GRIK2: variants seen among roughly 807,000 people sequenced by gnomAD.
The protein encoded by GRIK2 is glutamate receptor ionotropic, kainate 2.
In GRIK2, 32 loss-of-function variants were observed where a neutral mutation model predicts 100.3. The ratio of observed to expected loss-of-function variants is 0.32; its 90% CI spans 0.24 to 0.43. The LOEUF is 0.43. Ranked by LOEUF, GRIK2 falls within the 20% of genes least tolerant of loss-of-function variation. The pLI is 1.00. For synonymous variants in GRIK2, 417 were observed against 389.4 expected, an observed-to-expected ratio of 1.07 and a Z score of -0.83; for missense variants, 843 against 1,114.9, an observed-to-expected ratio of 0.76 and a Z score of 3.47.
intron 14 of GRIK2, among the ~76,000 whole-genome samples, chr6:101,954,694 TG>T (rs1791807697): frequency 6.6e-6 from 1 of 152,172 alleles, no homozygotes; most frequent in Non-Finnish European, 1.5e-5. Context: ...GATGCCTTTG[TG>T]TTTTTTTTCT....
At chr6:102,033,141 A>C in intron 14 of GRIK2, among the ~76,000 whole-genome samples, 1 of 151,482 alleles carries the variant, frequency 6.6e-6, no homozygotes, top group East Asian at 2.0e-4. Context: ...AAAATTAAAA[A>C]TTTTAGTATT....
intron 15 of GRIK2, among the ~76,000 whole-genome samples, chr6:102,042,600 AG>A (rs1770649470): frequency 6.6e-6 from 1 of 151,612 alleles, no homozygotes; most frequent in South Asian, 2.1e-4. Context: ...TTCCAATTTT[AG>A]GGTTCTTAAT....
intron 7 of GRIK2, among the ~76,000 whole-genome samples, chr6:101,733,612 T>G (rs1775426101): frequency 6.6e-6 from 1 of 151,524 alleles, no homozygotes; most frequent in Non-Finnish European, 1.5e-5. Flanking sequence ...ACAAGCTTTC[T>G]CTCTCTCTCT....
At chr6:101,723,836 A>G (rs1224716303) in intron 7 of GRIK2, among the ~76,000 whole-genome samples, 4 of 152,044 alleles carry the variant, frequency 2.6e-5, no homozygotes, top group African/African-American at 9.7e-5. Context: ...ACTGATTGTC[A>G]TGTCTTATGG....
intron 14 of GRIK2, among the ~76,000 whole-genome samples, chr6:102,031,705 G>T (rs73500546): frequency 2.6e-5 from 4 of 151,300 alleles, no homozygotes; most frequent in African/African-American, 9.7e-5. Flanking sequence ...TTATATCTGA[G>T]AACGTGCAAT....
At chr6:101,398,247 A>T (rs1346379438) in intron 1 of GRIK2, among the ~76,000 whole-genome samples, 2 of 152,220 alleles carry the variant, frequency 1.3e-5, no homozygotes, top group Admixed American at 6.5e-5. Context: ...TGCTGCACCC[A>T]TTCAAACATC....
intron 4 of GRIK2, among the ~76,000 whole-genome samples, chr6:101,645,163 GA>G (rs559337869): frequency 0.021 from 2,732 of 127,824 alleles, 79 homozygotes; most frequent in African/African-American, 0.069. Context: ...AGAATAAGAA[GA>G]AAAAAAAAAA....
rs79582369 is a variant in GRIK2, at chr6:101,585,586, A to G, written c.116-36363A>G. Among the ~76,000 whole-genome samples the G allele has an allele frequency of 1.5e-3, 226 of 152,198 alleles. 1 individual carries two copies. Among genetic ancestry groups the G allele is most frequent in the African/African-American group, 5.3e-3 (221 of 41,562 alleles). On this transcript the variant is annotated intron_variant, in intron 2 of 16. Transcript: ENST00000369134. ...ACAGGGTATTCATAGAATTGTTTCC[A>G]CTTAAAGAACACATGCAATTGATGT...
At chr6:101,776,133 A>C (rs1045718638) in intron 7 of GRIK2, among the ~76,000 whole-genome samples, 18 of 152,200 alleles carry the variant, frequency 1.2e-4, no homozygotes, top group Admixed American at 1.2e-3. Context: ...TGAGGAGGCC[A>C]GGCTGAGATT....
intron 2 of GRIK2, among the ~76,000 whole-genome samples, chr6:101,511,964 T>C (rs1196035991): frequency 1.3e-5 from 2 of 151,872 alleles, no homozygotes; most frequent in South Asian, 2.1e-4. Context: ...GGAAACAGCA[T>C]CTAAAAAGTT....
chr6:101,600,791 A>C (rs1277542398), intron 2 of GRIK2, among the ~76,000 whole-genome samples: 2 of 151,830 alleles, frequency 1.3e-5, no homozygotes, highest in African/African-American at 4.8e-5. Context: ...ATTGTTTATC[A>C]GTTATAGGAG....
At chr6:101,768,537 A>G (rs1314141426) in intron 7 of GRIK2, among the ~76,000 whole-genome samples, 1 of 152,208 alleles carries the variant, frequency 6.6e-6, no homozygotes, top group East Asian at 1.9e-4. Context: ...GTAAATTTTT[A>G]TCATCAAGAG....
chr6:101,657,463 C>T (rs966648063), intron 4 of GRIK2, among the ~76,000 whole-genome samples: 16 of 152,218 alleles, frequency 1.1e-4, no homozygotes, highest in Admixed American at 2.0e-4. Context: ...ATCTTTATAG[C>T]AGTGTGAGAA....
At chr6:101,917,610 T>C (rs1179234537) in intron 12 of GRIK2, among the ~76,000 whole-genome samples, 1 of 151,528 alleles carries the variant, frequency 6.6e-6, no homozygotes, top group Non-Finnish European at 1.5e-5. Flanking sequence ...GTTTGGATGA[T>C]GTAACTTCTC....
At chr6:101,642,850 A>ACAGTGCACAAGAGTT (rs1781345285) in intron 4 of GRIK2, among the ~76,000 whole-genome samples, 2 of 151,734 alleles carry the variant, frequency 1.3e-5, no homozygotes, top group South Asian at 4.1e-4. Flanking sequence ...ATTCCTACCA[A>ACAGTGCACAAGAGTT]CAGTGCACAA....
intron 14 of GRIK2, among the ~76,000 whole-genome samples, chr6:102,032,593 A>G (rs901245933): frequency 2.0e-5 from 3 of 151,288 alleles, no homozygotes; most frequent in Non-Finnish European, 4.4e-5. Flanking sequence ...ACTTTCTTCA[A>G]TTATCCCTCC....
At chr6:101,507,046 T>C (rs1774059458) in intron 2 of GRIK2, among the ~76,000 whole-genome samples, 1 of 152,172 alleles carries the variant, frequency 6.6e-6, no homozygotes, top group South Asian at 2.1e-4. Flanking sequence ...AACTCTTTCC[T>C]ATGTTTAATT....
intron 10 of GRIK2, among the ~76,000 whole-genome samples, chr6:101,853,815 A>G (rs1202560403): frequency 1.3e-5 from 2 of 152,192 alleles, no homozygotes; most frequent in Non-Finnish European, 2.9e-5. Flanking sequence ...AATGCTTATT[A>G]CCAAGTGAAA....
chr6:101,665,153 G>A (rs1227671597), intron 4 of GRIK2, among the ~76,000 whole-genome samples: 1 of 152,130 alleles, frequency 6.6e-6, no homozygotes, highest in African/African-American at 2.4e-5. Flanking sequence ...GGTGCTCCTT[G>A]GCATTGTTAT....
Sources: gnomAD v4.1 joint callset for allele counts (sites outside exome capture counted in the v4.1 genomes callset) on GRCh38, gnomAD v4.1.1 for gene constraint, MANE v1.5 for transcripts, NCBI Gene and HGNC (gene_info 2026-07-23, HGNC 2026-07-21) for gene names.